The following SFI1 variants were observed in gnomAD, a reference collection of about 807,000 sequenced individuals.
SFI1 encodes SFI1 centrin binding protein.
In SFI1, 195 loss-of-function variants were observed where a neutral mutation model predicts 207.5. The observed-to-expected ratio is 0.94, with a 90% CI of 0.84 to 1.06. The LOEUF is 1.06. Among genes scored for constraint, SFI1 ranks in the 50% least tolerant of loss-of-function variants. The probability of loss-of-function intolerance (pLI) is 0.00; values close to 1 mark genes in which losing one functional copy is unlikely to be tolerated. For missense variants in SFI1, 1,634 were observed against 1,588.0 expected (o/e 1.03, Z -0.49); for synonymous variants, 630 against 598.9 (o/e 1.05, Z -0.76).
At chr22:31,525,792 C>G (rs1375288624) in intron 2 of SFI1, among the ~76,000 whole-genome samples, 1 of 152,040 alleles carries the variant, frequency 6.6e-6, no homozygotes, top group Admixed American at 6.6e-5. Context: ...ACTTGATACT[C>G]TCTGTTCTGT....
intron 15 of SFI1, 106 bp from the exon 16 acceptor site, chr22:31,602,106 A>T: frequency 1.0e-6 from 1 of 952,686 alleles, no homozygotes; most frequent in Non-Finnish European, 1.7e-6. Context: ...CTCTTATACG[A>T]TAGCATGGTA....
At position 31,575,404 on chromosome 22, in the gene SFI1, G is replaced by T; in HGVS notation, c.1084+12G>T. ...TCACTGGAAACACTGTATCCTTTCA[G>T]ATACTCAGGCTGTCCATTGCCTCAG... On this transcript the variant is annotated intron_variant, in intron 10 of 32. Coordinates refer to ENST00000400288, the MANE Select transcript of SFI1 (RefSeq NM_001007467.3). 3 of 1,585,460 alleles carry T rather than the reference G, an allele frequency of 1.9e-6. No individual in the cohort carries two copies. The highest frequency in any genetic ancestry group is 2.6e-6 in the Non-Finnish European group (3 of 1,164,246).
chr22:31,542,212 T>C (rs931805536), intron 4 of SFI1, among the ~76,000 whole-genome samples: 7 of 151,900 alleles, frequency 4.6e-5, no homozygotes, highest in African/African-American at 1.2e-4. Context: ...CTGGAGTCTT[T>C]TCAGGCTTTT....
rs765137504 is a variant in SFI1 at position 31,583,886 on chromosome 22, G to T, written c.1260G>T (p.Arg420Ser). ...CTCCCTTGCTTTAGCTGCTGCACAG[G>T]TTCTGGAACCTCTGGCGGTCTCAGA... is the stretch of plus-strand genomic sequence containing the variant. ...HQQHGVTLLH[R>S]FWNLWRSQIE... The change falls in exon 13 of 33, where the codon AGG (arginine) becomes AGT (serine). Residue 420 changes from arginine (R) to serine (S), a missense_variant. Physicochemically the swap from Arg to Ser is moderately radical, Grantham distance 110 (BLOSUM62 -1). Coordinates refer to ENST00000400288, the MANE Select transcript of SFI1 (RefSeq NM_001007467.3). The T allele has an allele frequency of 6.2e-7, 1 of 1,614,024 alleles. No homozygotes were observed. The highest frequency in any genetic ancestry group is 8.5e-7 in the Non-Finnish European group (1 of 1,179,954).
chr22:31,580,465 ACT>A, intron 12 of SFI1, 101 bp downstream of exon 12: 1 of 901,366 alleles, frequency 1.1e-6, no homozygotes, highest in Non-Finnish European at 1.7e-6. Flanking sequence ...TTTTAAAAAA[ACT>A]TTTTGTGCTT....
At chr22:31,603,853 G>C in intron 18 of SFI1, 34 bp downstream of exon 18, 1 of 1,565,672 alleles carries the variant, frequency 6.4e-7, no homozygotes. Flanking sequence ...ACCCGTGTAT[G>C]ACTTTTGGAC....
chr22:31,563,301 T>G (rs1470882962), intron 8 of SFI1, among the ~76,000 whole-genome samples: 6 of 151,804 alleles, frequency 4.0e-5, no homozygotes, highest in Non-Finnish European at 8.8e-5. Context: ...CCTGCATCAT[T>G]ATCATAATCA....
intron 12 of SFI1, among the ~76,000 whole-genome samples, chr22:31,581,038 T>A (rs2064100023): frequency 6.6e-6 from 1 of 151,992 alleles, no homozygotes; most frequent in African/African-American, 2.4e-5. Context: ...CAGGGTCTTG[T>A]TCTGTCACCC....
At position 31,611,157 on chromosome 22, in the gene SFI1, T is replaced by C; in HGVS notation, c.2269T>C (p.Trp757Arg). 1 of 1,614,198 alleles carries C rather than the reference T, an allele frequency of 6.2e-7. No homozygotes were observed. The highest frequency in any genetic ancestry group is 8.5e-7 in the Non-Finnish European group (1 of 1,180,044). ...KVLDRGCLRT[W>R]FQRWWDCSRR... Reference sequence around the variant, plus strand: ...ATCTGCCTTAGGCTGTCTGCGGACCTGGTTTCAGCGCTGGTGGGACTGCAG... The same window carrying C: ...ATCTGCCTTAGGCTGTCTGCGGACCCGGTTTCAGCGCTGGTGGGACTGCAG... Residue 757 changes from tryptophan to arginine, a missense_variant, in exon 23 of 33, where the codon TGG becomes CGG. Physicochemically the swap from Trp to Arg is moderately radical, Grantham distance 101. Coordinates refer to ENST00000400288, the MANE Select transcript of SFI1 (RefSeq NM_001007467.3).
intron 4 of SFI1, among the ~76,000 whole-genome samples, chr22:31,533,253 C>T (rs145652845): frequency 0.011 from 1,731 of 152,236 alleles, 9 homozygotes; most frequent in Middle Eastern, 0.031. Context: ...TCGGGCCGGG[C>T]GTGGTGGCTC....
chr22:31,598,176 G>T (rs906545748), intron 15 of SFI1, among the ~76,000 whole-genome samples: 2 of 151,538 alleles, frequency 1.3e-5, no homozygotes, highest in African/African-American at 4.9e-5. Flanking sequence ...TAGTAGAGAA[G>T]GGGTTTCACT....
chr22:31,582,001 T>C (rs929289286), intron 12 of SFI1, among the ~76,000 whole-genome samples: 4 of 151,602 alleles, frequency 2.6e-5, no homozygotes, highest in African/African-American at 9.7e-5. Flanking sequence ...AACATTAATA[T>C]CTAGTCAACA....
rs1480244640 is a variant in SFI1 at position 31,583,989 on chromosome 22, C to T, written c.1346+17C>T. 2 of 1,601,030 alleles carry T rather than the reference C, an allele frequency of 1.2e-6. No individual in the cohort carries two copies. Among genetic ancestry groups the T allele is most frequent in the Non-Finnish European group, 1.7e-6 (2 of 1,168,550 alleles). On this transcript the variant is annotated intron_variant, in intron 13 of 32. Transcript: ENST00000400288. ...CCACTACAGGTAGGGACTCTGGTTT[C>T]ATCCCTGGCTCTCAGGGACTTTGTG...
intron 8 of SFI1, among the ~76,000 whole-genome samples, chr22:31,564,968 A>T (rs2062127070): frequency 6.8e-6 from 1 of 147,638 alleles, no homozygotes; most frequent in Admixed American, 6.9e-5. Flanking sequence ...CGCCCGCCAC[A>T]ACGCCTGGCT....
intron 25 of SFI1, 42 bp from the exon 26 acceptor site, chr22:31,613,312 T>A (rs2070726297): frequency 1.9e-6 from 3 of 1,603,892 alleles, no homozygotes; most frequent in Non-Finnish European, 2.6e-6. Flanking sequence ...GGGGGAGCTC[T>A]AAGCAGGGAG....
At chr22:31,593,865 A>G (rs942949676) in intron 15 of SFI1, among the ~76,000 whole-genome samples, 3 of 148,618 alleles carry the variant, frequency 2.0e-5, no homozygotes, top group African/African-American at 4.9e-5. Flanking sequence ...CGTGCCTGCA[A>G]TCGCAGGCAT....
chr22:31,521,999 G>C (rs776364165), intron 2 of SFI1, among the ~76,000 whole-genome samples: 30 of 150,732 alleles, frequency 2.0e-4, no homozygotes, highest in East Asian at 1.8e-3. Flanking sequence ...TCCTGGCCTC[G>C]AGGGATCCAC....
At position 31,602,625 on chromosome 22, in the gene SFI1, C is replaced by T. The variant is rs751987639; in HGVS notation, c.1645C>T (p.Arg549Ter). Reference sequence around the variant, plus strand: ...GCCTCAGGCCATCCTTCACGCAGAGCGACAGCTTCTGTATAGGTCTTGGTT... The same window carrying T: ...GCCTCAGGCCATCCTTCACGCAGAGTGACAGCTTCTGTATAGGTCTTGGTT... ...AERMAILHAE[R>*]QLLYRSWFMW... The change falls in exon 17 of 33, where the codon CGA becomes TGA. Residue 549 changes from arginine (R) to a stop codon, truncating the protein, a stop_gained. Coordinates refer to ENST00000400288, the MANE Select transcript of SFI1 (RefSeq NM_001007467.3). LOFTEE classifies it high-confidence loss of function. The T allele has an allele frequency of 6.8e-6, 11 of 1,614,028 alleles. No individual in the cohort carries two copies. The highest frequency in any genetic ancestry group is 1.7e-5 in the Admixed American group (1 of 59,994).
intron 15 of SFI1, among the ~76,000 whole-genome samples, chr22:31,596,241 G>A (rs5753716): frequency 0.099 from 15,056 of 151,766 alleles, 1,081 homozygotes; most frequent in East Asian, 0.39. Context: ...ATGACAGAGC[G>A]AGACTCCATC....
Sources: gnomAD v4.1 joint callset for allele counts (sites outside exome capture counted in the v4.1 genomes callset) on GRCh38, gnomAD v4.1.1 for gene constraint, MANE v1.5 for transcripts, NCBI Gene and HGNC (gene_info 2026-07-23, HGNC 2026-07-21) for gene names.